Variants in SDK1 observed in about 807,000 individuals in gnomAD.
SDK1 encodes protein sidekick-1.
A neutral mutation model predicts 245.5 loss-of-function variants in SDK1; 157 were observed. The ratio of observed to expected loss-of-function variants is 0.64; its 90% CI spans 0.56 to 0.73. The LOEUF (loss-of-function observed/expected upper bound fraction) is 0.73. SDK1 is among the 30% of genes least tolerant of loss of function. The pLI is 0.00. For missense variants in SDK1, 3,583 were observed against 3,002.3 expected, an observed-to-expected ratio of 1.19 and a Z score of -4.52; for synonymous variants, 1,647 against 1,278.5, an observed-to-expected ratio of 1.29 and a Z score of -6.15.
chr7:3,318,917 G>A (rs140273681), intron 1 of SDK1, among the ~76,000 whole-genome samples: 1 of 152,290 alleles, frequency 6.6e-6, no homozygotes, highest in African/African-American at 2.4e-5. Flanking sequence ...GGATAGAACT[G>A]AGATTTGGAT....
At chr7:4,242,019 A>T (rs2128238314) in intron 43 of SDK1, 106 bp downstream of exon 43, 1 of 1,406,852 alleles carries the variant, frequency 7.1e-7, no homozygotes, top group Non-Finnish European at 9.6e-7. Flanking sequence ...CTGTGGTTCC[A>T]GGAAGCAAAA....
chr7:3,474,905 T>C (rs1781306251), intron 1 of SDK1, among the ~76,000 whole-genome samples: 1 of 152,120 alleles, frequency 6.6e-6, no homozygotes, highest in Non-Finnish European at 1.5e-5. Flanking sequence ...TTGTCCAAGC[T>C]GGTATTGAAC....
At chr7:4,185,302 T>C (rs1464007553) in intron 35 of SDK1, among the ~76,000 whole-genome samples, 1 of 152,068 alleles carries the variant, frequency 6.6e-6, no homozygotes, top group Non-Finnish European at 1.5e-5. Flanking sequence ...CCAGCCAGAG[T>C]TCTGGGCCCA....
chr7:4,244,620 C>T (rs554526852), intron 43 of SDK1, among the ~76,000 whole-genome samples: 80 of 152,318 alleles, frequency 5.3e-4, no homozygotes, highest in African/African-American at 1.9e-3. Flanking sequence ...AAACCAACAC[C>T]CATTTAGCAC....
intron 1 of SDK1, among the ~76,000 whole-genome samples, chr7:3,607,671 A>G (rs575575471): frequency 6.6e-6 from 1 of 152,378 alleles, no homozygotes; most frequent in South Asian, 2.1e-4. Flanking sequence ...ATAGTTAGTG[A>G]CATTTAAGAC....
intron 1 of SDK1, among the ~76,000 whole-genome samples, chr7:3,558,084 C>A (rs1477927926): frequency 6.6e-6 from 1 of 150,876 alleles, no homozygotes; most frequent in African/African-American, 2.4e-5. Context: ...CTTTAGATGC[C>A]ACGTGGCATG....
chr7:3,667,078 CAAAAG>C (rs751401878), intron 4 of SDK1, among the ~76,000 whole-genome samples: 19 of 151,918 alleles, frequency 1.3e-4, no homozygotes, highest in Non-Finnish European at 2.1e-4. Context: ...AAATAAATGA[CAAAAG>C]AAATAAAAAT....
chr7:3,983,340 G>T lies in SDK1; in HGVS notation c.1995-3846G>T, dbSNP rs528273066. Among the ~76,000 whole-genome samples, 2 of 152,250 alleles carry T rather than the reference G, an allele frequency of 1.3e-5. 1 individual carries two copies. The highest frequency in any genetic ancestry group is 4.8e-5 in the African/African-American group (2 of 41,540). ...CGTTGATGCGCCAGGCTTCACTGCT[G>T]TCTCGTTTGAAGAAATTGCCACAGT... On this transcript the variant is annotated intron_variant, in intron 13 of 44. Coordinates refer to ENST00000404826, the MANE Select transcript of SDK1 (RefSeq NM_152744.4).
At chr7:3,687,926 C>A (rs1007441102) in intron 4 of SDK1, among the ~76,000 whole-genome samples, 2 of 152,138 alleles carry the variant, frequency 1.3e-5, no homozygotes, top group Non-Finnish European at 2.9e-5. Context: ...GCATGTGAAT[C>A]TGTGTTATCT....
chr7:3,820,305 A>G (rs1779612724), intron 4 of SDK1, among the ~76,000 whole-genome samples: 2 of 152,126 alleles, frequency 1.3e-5, no homozygotes, highest in Non-Finnish European at 1.5e-5. Flanking sequence ...GTGTGCCACC[A>G]CGCCGAACTA....
intron 1 of SDK1, among the ~76,000 whole-genome samples, chr7:3,455,458 A>C (rs1318852913): frequency 6.6e-6 from 1 of 151,870 alleles, no homozygotes; most frequent in Non-Finnish European, 1.5e-5. Context: ...TTTTCTATAA[A>C]TGTGAGACTT....
intron 28 of SDK1, among the ~76,000 whole-genome samples, chr7:4,145,300 G>A (rs1779883424): frequency 6.6e-6 from 1 of 152,130 alleles, no homozygotes; most frequent in African/African-American, 2.4e-5. Context: ...GTCCTGCCTG[G>A]GGAGGCCATG....
rs906920641 is a variant in SDK1, at chr7:3,803,536, C to T, written c.714-17914C>T. On this transcript the variant is annotated intron_variant, in intron 4 of 44. Transcript: ENST00000404826. ...ATGTGGACCAGGCTGGTCTCAAACT[C>T]CTGACCTCAAGTGACTCACCCACCT... 1.3e-3 allele frequency among the ~76,000 whole-genome samples: 197 copies of T among 152,004 alleles called. 1 individual carries two copies. The highest frequency in any genetic ancestry group is 4.6e-3 in the African/African-American group (192 of 41,468).
chr7:3,659,682 T>C (rs188170948), intron 4 of SDK1, among the ~76,000 whole-genome samples: 2 of 152,204 alleles, frequency 1.3e-5, no homozygotes, highest in Admixed American at 6.5e-5. Flanking sequence ...CATGATCTGA[T>C]TGGCTTTAAG....
chr7:3,926,669 G>A (rs934746419), intron 5 of SDK1, among the ~76,000 whole-genome samples: 2 of 152,214 alleles, frequency 1.3e-5, no homozygotes, highest in African/African-American at 2.4e-5. Context: ...GTGAGCCACC[G>A]TGAGGTCCTG....
chr7:3,387,302 C>T (rs1428302560), intron 1 of SDK1, among the ~76,000 whole-genome samples: 1 of 152,122 alleles, frequency 6.6e-6, no homozygotes, highest in Admixed American at 6.5e-5. Flanking sequence ...TCCTCCCTCC[C>T]CACCAACCCC....
At chr7:3,923,845 G>T (rs1283960882) in intron 5 of SDK1, among the ~76,000 whole-genome samples, 2 of 152,150 alleles carry the variant, frequency 1.3e-5, no homozygotes, top group African/African-American at 2.4e-5. Flanking sequence ...GTTCCTCAGG[G>T]GTTCCTTTCA....
chr7:4,257,580 T>C (rs1787710608), intron 44 of SDK1, among the ~76,000 whole-genome samples: 1 of 152,222 alleles, frequency 6.6e-6, no homozygotes, highest in Admixed American at 6.5e-5. Context: ...GAAACCCAGC[T>C]TTTAGCTTCA....
intron 4 of SDK1, among the ~76,000 whole-genome samples, chr7:3,756,707 C>A (rs1779943313): frequency 6.6e-6 from 1 of 152,150 alleles, no homozygotes; most frequent in South Asian, 2.1e-4. Context: ...TTTACTCTTT[C>A]TGTACTGTCT....
Sources: allele counts gnomAD v4.1 joint callset (sites outside exome capture counted in the v4.1 genomes callset), GRCh38; gene constraint gnomAD v4.1.1; transcripts MANE v1.5; gene names NCBI Gene and HGNC (gene_info 2026-07-23, HGNC 2026-07-21).